CCDC15: variants seen among roughly 807,000 people sequenced by gnomAD.
CCDC15 encodes coiled-coil domain containing 15.
In CCDC15, 105 loss-of-function variants were observed where a neutral mutation model predicts 114.5. The ratio of observed to expected loss-of-function variants is 0.92; its 90% CI spans 0.78 to 1.08. The LOEUF (loss-of-function observed/expected upper bound fraction) is 1.08, where lower values mean the gene tolerates loss of function less well. Among genes scored for constraint, CCDC15 ranks in the 50% least tolerant of loss-of-function variants. CCDC15 has a pLI of 0.00. For synonymous variants in CCDC15, 334 were observed against 377.8 expected (o/e 0.88, Z 1.34); for missense variants, 1,105 against 1,093.6 (o/e 1.01, Z -0.15).
intron 13 of CCDC15, among the ~76,000 whole-genome samples, chr11:125,011,468 C>T (rs1206257236): frequency 6.6e-6 from 1 of 152,030 alleles, no homozygotes; most frequent in South Asian, 2.1e-4. Flanking sequence ...GAACTCCTGA[C>T]CTCGTGATCC....
chr11:125,027,815 A>G lies in CCDC15; in HGVS notation c.2412-10616A>G, dbSNP rs1680828517. On this transcript the variant is annotated intron_variant, in intron 13 of 15. Coordinates refer to ENST00000344762, the MANE Select transcript of CCDC15 (RefSeq NM_025004.3). ...TAGCCATGAATTCTTTGCCTAAGCC[A>G]ATGTCTAGAACAGTTTTTTTGATGT... 5.9e-5 allele frequency among the ~76,000 whole-genome samples: 9 copies of G among 151,974 alleles called. No individual in the cohort carries two copies. The South Asian group carries it at 1.9e-3, about 31-fold the overall frequency.
intron 6 of CCDC15, among the ~76,000 whole-genome samples, chr11:124,986,533 C>G (rs1180288662): frequency 2.0e-5 from 3 of 152,062 alleles, no homozygotes; most frequent in Non-Finnish European, 4.4e-5. Flanking sequence ...TTTTAGTTTT[C>G]ATTATACAGT....
intron 13 of CCDC15, among the ~76,000 whole-genome samples, chr11:125,019,856 CATT>C (rs1431063383): frequency 6.6e-6 from 1 of 151,830 alleles, no homozygotes; most frequent in Non-Finnish European, 1.5e-5. Flanking sequence ...TTTTTTGATA[CATT>C]ATATTTGTAC....
chr11:125,008,469 GT>G (rs1278955230), intron 13 of CCDC15, among the ~76,000 whole-genome samples: 1 of 152,110 alleles, frequency 6.6e-6, no homozygotes, highest in East Asian at 1.9e-4. Context: ...AACAAAGTTA[GT>G]TTTATTTCTT....
intron 15 of CCDC15, chr11:125,039,599 A>G (rs1458589097): frequency 2.0e-5 from 3 of 152,388 alleles, no homozygotes; most frequent in African/African-American, 7.2e-5. Context: ...ATTGATTTAT[A>G]TAGTATAAAG....
At chr11:124,997,724 T>A (rs972158209) in intron 11 of CCDC15, among the ~76,000 whole-genome samples, 6 of 152,200 alleles carry the variant, frequency 3.9e-5, no homozygotes, top group African/African-American at 1.4e-4. Context: ...AACGGATCAC[T>A]TGAGACCAGG....
intron 4 of CCDC15, among the ~76,000 whole-genome samples, chr11:124,964,277 T>G (rs991769735): frequency 2.0e-5 from 3 of 152,236 alleles, no homozygotes; most frequent in African/African-American, 7.2e-5. Flanking sequence ...TCCATGAGCA[T>G]GGAATGTTCT....
chr11:124,988,019 A>T lies in CCDC15; in HGVS notation c.1793A>T (p.Asn598Ile), dbSNP rs781592429. The T allele has an allele frequency of 6.2e-7, 1 of 1,613,822 alleles. No individual in the cohort carries two copies. Among genetic ancestry groups the T allele is most frequent in the African/African-American group, 1.3e-5 (1 of 75,028 alleles). ...CAAGGTTATCTTCCTAAAGACCAAA[A>T]TATTCTACCCATATGTCAGGACCGG... ...RDQGYLPKDQ[N>I]ILPICQDRDF... Residue 598 changes from asparagine (N) to isoleucine (I), a missense_variant, in exon 8 of 16, where the codon AAT becomes ATT. Transcript: ENST00000344762.
chr11:125,039,034 G>A lies in CCDC15; in HGVS notation c.2699G>A (p.Cys900Tyr), dbSNP rs1332110173. The A allele has an allele frequency of 6.2e-7, 1 of 1,607,088 alleles. No individual in the cohort carries two copies. Among genetic ancestry groups the A allele is most frequent in the Admixed American group, 1.7e-5 (1 of 59,714 alleles). Residue 900 changes from cysteine (C) to tyrosine (Y), a missense_variant, in exon 15 of 16, where the codon TGT becomes TAT. Transcript: ENST00000344762. ...TTTTGGGATGCTCATCCTGATACCT[G>A]TGCCAACAACTGTATTTTCTATAAA... ...PDFWDAHPDT[C>Y]ANNCIFYKNH...
chr11:124,970,880 T>G (rs1947865949), intron 4 of CCDC15, among the ~76,000 whole-genome samples: 1 of 152,230 alleles, frequency 6.6e-6, no homozygotes, highest in Admixed American at 6.5e-5. Flanking sequence ...ATCTCAAAAT[T>G]TATATATTAC....
At chr11:124,978,896 C>A (rs1948020847) in intron 6 of CCDC15, among the ~76,000 whole-genome samples, 1 of 151,582 alleles carries the variant, frequency 6.6e-6, no homozygotes, top group African/African-American at 2.4e-5. Flanking sequence ...ATTGATATTT[C>A]CTATGTTATC....
chr11:124,991,840 C>T (rs146512903), intron 9 of CCDC15, among the ~76,000 whole-genome samples: 4 of 152,138 alleles, frequency 2.6e-5, no homozygotes, highest in Admixed American at 6.6e-5. Flanking sequence ...CATGCCAGCA[C>T]GCCTGGCTAA....
chr11:125,004,046 T>A, intron 12 of CCDC15, 87 bp downstream of exon 12: 1 of 657,152 alleles, frequency 1.5e-6, no homozygotes, highest in Non-Finnish European at 2.4e-6. Context: ...TGTTGTGTCC[T>A]AACACATAAA....
chr11:125,001,831 G>A (rs372743965), intron 11 of CCDC15, among the ~76,000 whole-genome samples: 15 of 151,788 alleles, frequency 9.9e-5, no homozygotes, highest in African/African-American at 3.6e-4. Context: ...TTTCTTCTTG[G>A]CTGTTAAGAA....
intron 4 of CCDC15, among the ~76,000 whole-genome samples, chr11:124,974,166 G>C (rs1947932557): frequency 6.6e-6 from 1 of 151,730 alleles, no homozygotes; most frequent in Non-Finnish European, 1.5e-5. Flanking sequence ...GTAGAGATGG[G>C]GTTTCACCAC....
intron 13 of CCDC15, among the ~76,000 whole-genome samples, chr11:125,011,636 C>T (rs113672266): frequency 3.3e-5 from 5 of 152,292 alleles, no homozygotes; most frequent in African/African-American, 1.2e-4. Context: ...TAAGTGCTTT[C>T]ACATGTATTT....
intron 13 of CCDC15, among the ~76,000 whole-genome samples, chr11:125,013,092 A>G (rs925976566): frequency 2.6e-5 from 4 of 152,344 alleles, no homozygotes; most frequent in Admixed American, 2.0e-4. Flanking sequence ...ACCTGTTACT[A>G]CCATGATAGG....
rs1378099847 is a variant in CCDC15 at position 124,988,034 on chromosome 11, G to A, written c.1808G>A (p.Cys603Tyr). Residue 603 changes from cysteine to tyrosine, a missense_variant, in exon 8 of 16, where the codon TGT becomes TAT. Cys to Tyr is a radical substitution (Grantham distance 194). Transcript: ENST00000344762. Reference sequence around the variant, plus strand: ...AAAGACCAAAATATTCTACCCATATGTCAGGACCGGGATTTTCTACCCAGA... The same window carrying A: ...AAAGACCAAAATATTCTACCCATATATCAGGACCGGGATTTTCTACCCAGA... ...LPKDQNILPICQDRDFLPRDL... is the reference protein window; with the variant it reads ...LPKDQNILPIYQDRDFLPRDL... 12 of 1,613,490 alleles carry A rather than the reference G, an allele frequency of 7.4e-6. No homozygotes were observed. The highest frequency in any genetic ancestry group is 1.0e-5 in the Non-Finnish European group (12 of 1,179,718).
At chr11:125,038,812 C>T in intron 14 of CCDC15, 109 bp from the exon 15 acceptor site, 1 of 1,330,064 alleles carries the variant, frequency 7.5e-7, no homozygotes, top group Admixed American at 2.1e-5. Flanking sequence ...AATGTCAAGG[C>T]CCAGAGATAC....
Sources: gnomAD v4.1 joint callset for allele counts (sites outside exome capture counted in the v4.1 genomes callset) on GRCh38, gnomAD v4.1.1 for gene constraint, MANE v1.5 for transcripts, NCBI Gene and HGNC (gene_info 2026-07-23, HGNC 2026-07-21) for gene names.